The following KCTD8 variants were observed in gnomAD, a reference collection of about 807,000 sequenced individuals.
KCTD8 encodes BTB/POZ domain-containing protein KCTD8.
KCTD8 carries 27 observed loss-of-function variants against 31.5 expected under a neutral mutation model. The ratio of observed to expected loss-of-function variants is 0.86; its 90% CI spans 0.63 to 1.18. KCTD8 has a LOEUF of 1.18. Ranked by LOEUF, KCTD8 falls within the 50% of genes most tolerant of loss-of-function variation. KCTD8 has a pLI of 0.00. For missense variants in KCTD8, 658 were observed against 647.7 expected (o/e 1.02, Z -0.17); for synonymous variants, 290 against 280.0 (o/e 1.04, Z -0.36).
rs1721097564 is a variant in KCTD8, at chr4:44,417,230, G to C, written c.961+30333C>G. 2.0e-5 allele frequency among the ~76,000 whole-genome samples: 3 copies of C among 152,158 alleles called. 1 individual carries two copies. The South Asian group carries it at 6.2e-4, about 31-fold the overall frequency. On this transcript the variant is annotated intron_variant, in intron 1 of 1. Coordinates refer to ENST00000360029, the MANE Select transcript of KCTD8 (RefSeq NM_198353.3). Reference sequence around the variant, plus strand: ...TACAGCAAATAGCTCAGGAGGATAAGTTTTTAAAATTATTGAATGATGTCC... The same window carrying C: ...TACAGCAAATAGCTCAGGAGGATAACTTTTTAAAATTATTGAATGATGTCC...
chr4:44,383,062 A>C (rs1720115424), intron 1 of KCTD8, among the ~76,000 whole-genome samples: 1 of 151,954 alleles, frequency 6.6e-6, no homozygotes, highest in African/African-American at 2.4e-5. Context: ...TATAATAGCT[A>C]TAAAAAAACA....
chr4:44,393,893 TATAAA>T (rs1206514177), intron 1 of KCTD8, among the ~76,000 whole-genome samples: 3 of 151,820 alleles, frequency 2.0e-5, no homozygotes, highest in Non-Finnish European at 4.4e-5. Flanking sequence ...AAAATTAAAA[TATAAA>T]ATAAAAGTAA....
At chr4:44,298,414 CA>C (rs796233261) in intron 1 of KCTD8, among the ~76,000 whole-genome samples, 227 of 151,340 alleles carry the variant, frequency 1.5e-3, no homozygotes, top group South Asian at 4.0e-3. Flanking sequence ...CTGCCCCCCC[CA>C]CCTCTTTATT....
rs531032815 is a variant in KCTD8, at chr4:44,447,984, G to A, written c.540C>T (p.Arg180=). 13 of 1,546,536 alleles carry A rather than the reference G, an allele frequency of 8.4e-6. No homozygotes were observed. The East Asian group carries it at 1.2e-4, about 15-fold the overall frequency. ...SQGSSDALLL[R]GAAAAVPSGP... is the part of the protein sequence containing the mutation. ...CCGAGGGCACGGCGGCCGCCGCCCC[G>A]CGCAGCAGCAGCGCGTCGCTGCTAC... is the stretch of plus-strand genomic sequence containing the variant. Residue 180 remains arginine (R), a synonymous_variant, in exon 1 of 2, where the codon CGC becomes CGT. Coordinates refer to ENST00000360029, the MANE Select transcript of KCTD8 (RefSeq NM_198353.3).
intron 1 of KCTD8, among the ~76,000 whole-genome samples, chr4:44,415,232 T>C (rs967181663): frequency 6.6e-6 from 1 of 152,144 alleles, no homozygotes; most frequent in African/African-American, 2.4e-5. Context: ...GTTCAAGAAG[T>C]GGCATGGCTT....
Position 44,174,948 on chromosome 4 carries a change from C to A in KCTD8, c.1264G>T (p.Glu422Ter). The A allele has an allele frequency of 6.2e-7, 1 of 1,614,050 alleles. No homozygotes were observed. The highest frequency in any genetic ancestry group is 8.5e-7 in the Non-Finnish European group (1 of 1,179,968). ...ACTTTCTTTTTGGACAGATTTGTTT[C>A]CCGGGACTTGCTGATGAGGGTCTGA... ...LFQTLISKSR[E>*]TNLSKKKVCE... The change falls in exon 2 of 2, where the codon GAA becomes TAA. Residue 422 changes from glutamate to a stop codon, truncating the protein, a stop_gained. Transcript: ENST00000360029. LOFTEE classifies it high-confidence loss of function.
chr4:44,259,382 G>A (rs1716097188), intron 1 of KCTD8, among the ~76,000 whole-genome samples: 1 of 151,744 alleles, frequency 6.6e-6, no homozygotes. Flanking sequence ...CTAATACTTT[G>A]GATCTGGCAA....
intron 1 of KCTD8, among the ~76,000 whole-genome samples, chr4:44,183,877 C>T (rs1233726882): frequency 6.6e-6 from 1 of 152,280 alleles, no homozygotes; most frequent in East Asian, 1.9e-4. Context: ...TAGTACTAAA[C>T]TCAATGATGT....
At position 44,417,346 on chromosome 4, in the gene KCTD8, T is replaced by G. The variant is rs73812281; in HGVS notation, c.961+30217A>C. Among the ~76,000 whole-genome samples, 1,149 of 152,310 alleles carry G rather than the reference T, an allele frequency of 7.5e-3. 15 individuals are homozygous for G. Among genetic ancestry groups the G allele is most frequent in the African/African-American group, 0.026 (1,075 of 41,576 alleles). On this transcript the variant is annotated intron_variant, in intron 1 of 1. Transcript: ENST00000360029. ...GCTTATTAAAATTATGTCTAAATTA[T>G]AGCTCACAGGATACTACTCGCTAGG...
chr4:44,303,518 A>G (rs1717698449), intron 1 of KCTD8, among the ~76,000 whole-genome samples: 1 of 151,966 alleles, frequency 6.6e-6, no homozygotes, highest in African/African-American at 2.4e-5. Context: ...GAGGTGTAAT[A>G]AGAACTCTTA....
At chr4:44,346,053 G>A (rs1719029422) in intron 1 of KCTD8, among the ~76,000 whole-genome samples, 1 of 152,080 alleles carries the variant, frequency 6.6e-6, no homozygotes, top group Non-Finnish European at 1.5e-5. Flanking sequence ...ATTTTAACAA[G>A]TTGCTACCTT....
chr4:44,390,218 T>C (rs1358652383), intron 1 of KCTD8, among the ~76,000 whole-genome samples: 2 of 152,052 alleles, frequency 1.3e-5, no homozygotes, highest in African/African-American at 4.8e-5. Flanking sequence ...CCTAAGCCAA[T>C]GTCTAGAAGG....
intron 1 of KCTD8, among the ~76,000 whole-genome samples, chr4:44,180,332 G>T (rs1713340020): frequency 6.6e-6 from 1 of 151,744 alleles, no homozygotes; most frequent in East Asian, 1.9e-4. Flanking sequence ...AGATTTATCT[G>T]TAAAAAAAAA....
At chr4:44,307,046 G>A (rs937925014) in intron 1 of KCTD8, among the ~76,000 whole-genome samples, 4 of 151,930 alleles carry the variant, frequency 2.6e-5, no homozygotes, top group African/African-American at 9.7e-5. Context: ...CTTAACTAAA[G>A]CGGCCATAAA....
At chr4:44,350,403 A>G (rs772275433) in intron 1 of KCTD8, among the ~76,000 whole-genome samples, 7 of 152,152 alleles carry the variant, frequency 4.6e-5, no homozygotes, top group African/African-American at 9.6e-5. Context: ...GAACTGTCAC[A>G]TGTTCTTTTT....
intron 1 of KCTD8, among the ~76,000 whole-genome samples, chr4:44,243,100 T>C (rs1169682764): frequency 1.3e-5 from 2 of 152,160 alleles, no homozygotes. Context: ...AAATAATATA[T>C]GAAATTGGTT....
intron 1 of KCTD8, among the ~76,000 whole-genome samples, chr4:44,342,895 C>A (rs1718938550): frequency 6.6e-6 from 1 of 152,248 alleles, no homozygotes; most frequent in East Asian, 1.9e-4. Flanking sequence ...GCTCGTCTCT[C>A]TTAGCCTTCA....
chr4:44,374,790 C>T (rs551721850), intron 1 of KCTD8, among the ~76,000 whole-genome samples: 23 of 152,162 alleles, frequency 1.5e-4, no homozygotes, highest in African/African-American at 5.3e-4. Flanking sequence ...GTGGTTCATG[C>T]TCCCCCAAAA....
intron 1 of KCTD8, among the ~76,000 whole-genome samples, chr4:44,301,376 C>G (rs1046173651): frequency 6.6e-6 from 1 of 152,134 alleles, no homozygotes; most frequent in Non-Finnish European, 1.5e-5. Context: ...TCTCCAGCAC[C>G]TGTTGTTTCC....
Sources: gnomAD v4.1 joint callset for allele counts (sites outside exome capture counted in the v4.1 genomes callset) on GRCh38, gnomAD v4.1.1 for gene constraint, MANE v1.5 for transcripts, NCBI Gene and HGNC (gene_info 2026-07-23, HGNC 2026-07-21) for gene names.